CLYBL: variants seen among roughly 807,000 people sequenced by gnomAD.
The protein encoded by CLYBL is citramalyl-CoA lyase, also known as citramalyl-CoA lyase, mitochondrial.
In CLYBL, 31 loss-of-function variants were observed where a neutral mutation model predicts 38.9. That is an observed-to-expected ratio of 0.80 (90% CI 0.60 to 1.08). CLYBL has a LOEUF of 1.08. CLYBL is among the 50% of genes least tolerant of loss of function. The pLI is 0.00. For missense variants in CLYBL, 434 were observed against 411.6 expected, an observed-to-expected ratio of 1.05 and a Z score of -0.47; for synonymous variants, 171 against 158.6, an observed-to-expected ratio of 1.08 and a Z score of -0.59.
chr13:99,722,925 G>A (rs2048416266), intron 1 of CLYBL, among the ~76,000 whole-genome samples: 1 of 152,254 alleles, frequency 6.6e-6, no homozygotes, highest in African/African-American at 2.4e-5. Context: ...CCTGTTTTAA[G>A]AAAAGTGTGC....
intron 1 of CLYBL, among the ~76,000 whole-genome samples, chr13:99,716,787 CTTTTTTTTTTTT>C (rs1260332084): frequency 4.0e-5 from 4 of 100,918 alleles, no homozygotes; most frequent in Admixed American, 3.0e-4. Flanking sequence ...CTTTTCTTTT[CTTTTTTTTTTTT>C]TTTTTTTTTG....
At chr13:99,887,973 A>G (rs559174756) in intron 7 of CLYBL, among the ~76,000 whole-genome samples, 11 of 151,994 alleles carry the variant, frequency 7.2e-5, no homozygotes, top group Non-Finnish European at 1.6e-4. Context: ...CTCGTGCCTC[A>G]ACCTCCCGTG....
intron 1 of CLYBL, among the ~76,000 whole-genome samples, chr13:99,754,798 T>C (rs2049028993): frequency 6.7e-6 from 1 of 149,332 alleles, no homozygotes; most frequent in Non-Finnish European, 1.5e-5. Flanking sequence ...TTTACCGTGT[T>C]GGCCAGACTG....
At chr13:99,616,779 A>C (rs1025154455) in intron 1 of CLYBL, among the ~76,000 whole-genome samples, 5 of 152,098 alleles carry the variant, frequency 3.3e-5, no homozygotes, top group Non-Finnish European at 7.3e-5. Context: ...AGCATGGTGA[A>C]ACCCCGTCTC....
intron 2 of CLYBL, among the ~76,000 whole-genome samples, chr13:99,788,153 A>G (rs953119587): frequency 5.9e-5 from 9 of 152,332 alleles, no homozygotes; most frequent in African/African-American, 2.2e-4. Context: ...AAACAGGGAC[A>G]ATTTGACTTC....
chr13:99,771,519 T>C (rs1207818884), intron 1 of CLYBL, among the ~76,000 whole-genome samples: 1 of 152,218 alleles, frequency 6.6e-6, no homozygotes. Flanking sequence ...CATTTTCATT[T>C]TCACCGGGCC....
At chr13:99,800,047 T>C (rs1319689101) in intron 2 of CLYBL, among the ~76,000 whole-genome samples, 7 of 152,242 alleles carry the variant, frequency 4.6e-5, no homozygotes, top group Non-Finnish European at 1.0e-4. Context: ...AAGGAAATGT[T>C]CCTGGGAGGA....
At chr13:99,720,651 C>T (rs1290467392) in intron 1 of CLYBL, among the ~76,000 whole-genome samples, 2 of 152,172 alleles carry the variant, frequency 1.3e-5, no homozygotes, top group African/African-American at 2.4e-5. Flanking sequence ...AGGCTAAAAG[C>T]TATATTCTCT....
chr13:99,791,315 A>G (rs1406230831), intron 2 of CLYBL, among the ~76,000 whole-genome samples: 3 of 152,160 alleles, frequency 2.0e-5, no homozygotes, highest in Non-Finnish European at 4.4e-5. Flanking sequence ...TCAAACAGAA[A>G]AGCCCTTTGT....
At chr13:99,885,814 C>T (rs1216027085) in intron 7 of CLYBL, among the ~76,000 whole-genome samples, 6 of 152,152 alleles carry the variant, frequency 3.9e-5, no homozygotes. Context: ...AGAGTGTCTC[C>T]GGGAGCATCA....
intron 2 of CLYBL, among the ~76,000 whole-genome samples, chr13:99,830,075 C>G (rs534094170): frequency 5.3e-5 from 8 of 152,224 alleles, no homozygotes; most frequent in African/African-American, 1.7e-4. Context: ...GGCTCTCCCC[C>G]CGGCATCAGA....
intron 9 of CLYBL, among the ~76,000 whole-genome samples, chr13:99,905,701 G>GT (rs1195261464): frequency 1.2e-4 from 17 of 141,694 alleles, no homozygotes; most frequent in Non-Finnish European, 2.4e-4. Context: ...ATAAAAAAGT[G>GT]TTTTTTGGTT....
At position 99,865,687 on chromosome 13, in the gene CLYBL, G is replaced by A. The variant is rs546725793; in HGVS notation, c.635-553G>A. On this transcript the variant is annotated intron_variant, in intron 5 of 8. Coordinates refer to ENST00000339105, the MANE Select transcript of CLYBL (RefSeq NM_206808.5). The surrounding 1 kb of genome is among the most constrained non-coding windows in gnomAD (Gnocchi z 4.7). Reference sequence around the variant, plus strand: ...ACTTGTGTATCCAACGGTTCAGCGGGCTACAGAAGGCATATCGATGCTTTC... The same window carrying A: ...ACTTGTGTATCCAACGGTTCAGCGGACTACAGAAGGCATATCGATGCTTTC... Among the ~76,000 whole-genome samples, 205 of 152,300 alleles carry A rather than the reference G, an allele frequency of 1.3e-3. 2 individuals are homozygous for A. Among genetic ancestry groups the A allele is most frequent in the Middle Eastern group, 0.01 (3 of 294 alleles).
chr13:99,677,654 T>C (rs139351139), intron 1 of CLYBL, among the ~76,000 whole-genome samples: 238 of 152,374 alleles, frequency 1.6e-3, no homozygotes, highest in Middle Eastern at 3.4e-3. Flanking sequence ...TCTGTGACTG[T>C]ATTTAGTTCA....
intron 1 of CLYBL, among the ~76,000 whole-genome samples, chr13:99,608,111 G>A (rs1314638441): frequency 1.7e-5 from 2 of 117,830 alleles, no homozygotes; most frequent in East Asian, 2.8e-4. Flanking sequence ...CGCTTTTGTC[G>A]CCCAGGCTGG....
intron 1 of CLYBL, among the ~76,000 whole-genome samples, chr13:99,630,155 C>T (rs2046923285): frequency 6.6e-6 from 1 of 152,194 alleles, no homozygotes; most frequent in South Asian, 2.1e-4. Flanking sequence ...ATACTGGATA[C>T]AAAGCCCCAT....
intron 1 of CLYBL, among the ~76,000 whole-genome samples, chr13:99,724,510 A>G (rs1342945824): frequency 1.3e-5 from 2 of 151,862 alleles, no homozygotes; most frequent in Non-Finnish European, 2.9e-5. Context: ...AGAGCAATTA[A>G]TGGCAGCTCC....
Position 99,612,627 on chromosome 13 carries a change from G to A in CLYBL, c.62+5870G>A, listed in dbSNP as rs1052705295. Among the ~76,000 whole-genome samples, 4 of 151,966 alleles carry A rather than the reference G, an allele frequency of 2.6e-5. No individual in the cohort carries two copies. In the South Asian group the frequency reaches 8.3e-4, roughly 32 times the overall value. On this transcript the variant is annotated intron_variant, in intron 1 of 8. Transcript: ENST00000339105. ...TGTCTCAAACTCCTGGATTCAAGCA[G>A]TCTACCCACCTTGGCCTCCGAAAGT...
intron 1 of CLYBL, among the ~76,000 whole-genome samples, chr13:99,761,066 T>C (rs1361399190): frequency 6.6e-6 from 1 of 152,160 alleles, no homozygotes; most frequent in Non-Finnish European, 1.5e-5. Flanking sequence ...ATTTTCTGTC[T>C]TTGGGGGCTG....
Sources: gnomAD v4.1 joint callset for allele counts (sites outside exome capture counted in the v4.1 genomes callset) on GRCh38, gnomAD v4.1.1 for gene constraint, Gnocchi (gnomAD v3.1) non-coding constraint, MANE v1.5 for transcripts, NCBI Gene and HGNC (gene_info 2026-07-23, HGNC 2026-07-21) for gene names.